FNBP1L: variants seen among roughly 807,000 people sequenced by gnomAD.
The protein encoded by FNBP1L is formin-binding protein 1-like.
Under a neutral mutation model 91.2 loss-of-function variants are expected in FNBP1L, and 36 were observed. The observed-to-expected ratio is 0.39, with a 90% CI of 0.30 to 0.52. The LOEUF is 0.52. Ranked by LOEUF, FNBP1L falls within the 20% of genes least tolerant of loss-of-function variation. The pLI, the probability that FNBP1L is intolerant of heterozygous loss-of-function variation, is 0.66. For missense variants in FNBP1L, 571 were observed against 732.1 expected, an observed-to-expected ratio of 0.78 and a Z score of 2.54; for synonymous variants, 242 against 237.0, an observed-to-expected ratio of 1.02 and a Z score of -0.19.
At chr1:93,513,537 C>T (rs368793690) in intron 2 of FNBP1L, among the ~76,000 whole-genome samples, 10 of 150,678 alleles carry the variant, frequency 6.6e-5, no homozygotes, top group South Asian at 4.2e-4. Flanking sequence ...ACTGGCAAAC[C>T]GAATCCAGCA....
intron 1 of FNBP1L, among the ~76,000 whole-genome samples, chr1:93,486,165 A>C (rs1009961400): frequency 1.3e-5 from 2 of 152,210 alleles, no homozygotes; most frequent in African/African-American, 4.8e-5. Flanking sequence ...TTTTTAGTAT[A>C]CTAAAAGCTC....
chr1:93,472,434 A>T (rs991849882), intron 1 of FNBP1L, among the ~76,000 whole-genome samples: 4 of 152,092 alleles, frequency 2.6e-5, no homozygotes, highest in African/African-American at 7.2e-5. Flanking sequence ...CAGAGCCCTT[A>T]TTCTTTACCA....
At chr1:93,497,535 ATTACT>A (rs1404154776) in intron 1 of FNBP1L, among the ~76,000 whole-genome samples, 2 of 152,210 alleles carry the variant, frequency 1.3e-5, no homozygotes, top group East Asian at 1.9e-4. Flanking sequence ...ATACCTTCAG[ATTACT>A]TTACCATTAA....
chr1:93,505,775 A>G (rs1670589824), intron 2 of FNBP1L, among the ~76,000 whole-genome samples: 1 of 152,150 alleles, frequency 6.6e-6, no homozygotes, highest in Admixed American at 6.5e-5. Context: ...TTTACTTTTT[A>G]CAAAATGATT....
intron 1 of FNBP1L, among the ~76,000 whole-genome samples, chr1:93,454,524 G>A (rs1188675498): frequency 2.6e-5 from 4 of 152,066 alleles, no homozygotes; most frequent in African/African-American, 9.7e-5. Context: ...TTATTTTAGC[G>A]CCGCTGCAAG....
At chr1:93,477,273 G>A (rs1003274973) in intron 1 of FNBP1L, among the ~76,000 whole-genome samples, 2 of 152,220 alleles carry the variant, frequency 1.3e-5, no homozygotes, top group Non-Finnish European at 2.9e-5. Context: ...CAAAGTGAGT[G>A]TATCCTGTGT....
chr1:93,477,139 G>A (rs1669524491), intron 1 of FNBP1L, among the ~76,000 whole-genome samples: 1 of 152,140 alleles, frequency 6.6e-6, no homozygotes. Context: ...ATAGATTAGA[G>A]GATAATTAGA....
At chr1:93,477,367 A>G (rs1669533691) in intron 1 of FNBP1L, among the ~76,000 whole-genome samples, 1 of 152,250 alleles carries the variant, frequency 6.6e-6, no homozygotes, top group African/African-American at 2.4e-5. Context: ...TTTATAAGCA[A>G]CAACTGCTGA....
intron 1 of FNBP1L, among the ~76,000 whole-genome samples, chr1:93,480,121 C>T (rs1669642634): frequency 6.6e-6 from 1 of 152,156 alleles, no homozygotes; most frequent in Non-Finnish European, 1.5e-5. Context: ...CAGCTGGTCC[C>T]TCTGTTAGGG....
chr1:93,541,183 T>C (rs938514978), intron 11 of FNBP1L, 127 bp downstream of exon 11: 5 of 867,030 alleles, frequency 5.8e-6, no homozygotes, highest in Non-Finnish European at 9.1e-6. Flanking sequence ...TTTCTTTTTA[T>C]AGTTTCATAG....
At chr1:93,552,010 A>C (rs1672430539) in intron 16 of FNBP1L, 1 of 1,000,982 alleles carries the variant, frequency 1.0e-6, no homozygotes, top group Non-Finnish European at 1.2e-6. Flanking sequence ...GACAAATTTT[A>C]ATTTTTAAAG....
chr1:93,515,109 T>C (rs12123339), intron 2 of FNBP1L, among the ~76,000 whole-genome samples: 72,166 of 152,070 alleles, frequency 0.47, 20,587 homozygotes, highest in Non-Finnish European at 0.61. Flanking sequence ...GTGAAGGACA[T>C]TAACAGACAC....
At chr1:93,501,526 C>T (rs562889843) in intron 2 of FNBP1L, among the ~76,000 whole-genome samples, 14 of 152,140 alleles carry the variant, frequency 9.2e-5, no homozygotes, top group East Asian at 3.9e-4. Flanking sequence ...AGAGTGAGAA[C>T]GCAACTCACT....
intron 1 of FNBP1L, among the ~76,000 whole-genome samples, chr1:93,468,669 A>G (rs906882181): frequency 1.3e-5 from 2 of 152,184 alleles, no homozygotes; most frequent in African/African-American, 4.8e-5. Context: ...GGGCTCAAGC[A>G]GTCTGCCTGC....
At chr1:93,476,705 AG>A (rs201231867) in intron 1 of FNBP1L, among the ~76,000 whole-genome samples, 2,015 of 152,134 alleles carry the variant, frequency 0.013, 30 homozygotes, top group Non-Finnish European at 0.02. Flanking sequence ...GAGTGGGCAG[AG>A]GGGGGGAGTT....
At chr1:93,547,474 C>G in intron 14 of FNBP1L, 33 bp downstream of exon 14, 2 of 1,512,496 alleles carry the variant, frequency 1.3e-6, no homozygotes, top group Non-Finnish European at 1.8e-6. Flanking sequence ...TATTTCTTCT[C>G]CCCAGAGTTT....
At chr1:93,511,487 G>A (rs1267953595) in intron 2 of FNBP1L, among the ~76,000 whole-genome samples, 1 of 152,196 alleles carries the variant, frequency 6.6e-6, no homozygotes, top group African/African-American at 2.4e-5. Flanking sequence ...ACCAGTACCA[G>A]CTGCTGCAAA....
At chr1:93,548,983 G>A (rs888234889) in intron 14 of FNBP1L, among the ~76,000 whole-genome samples, 3 of 152,082 alleles carry the variant, frequency 2.0e-5, no homozygotes. Context: ...GGTCTAGAAC[G>A]TTTTTCTGTT....
At chr1:93,450,977 TA>T (rs1668476073) in intron 1 of FNBP1L, among the ~76,000 whole-genome samples, 1 of 152,232 alleles carries the variant, frequency 6.6e-6, no homozygotes, top group Non-Finnish European at 1.5e-5. Flanking sequence ...GCGTAGTTGT[TA>T]GGGGATATGA....
Sources: gnomAD v4.1 joint callset for allele counts (sites outside exome capture counted in the v4.1 genomes callset) on GRCh38, gnomAD v4.1.1 for gene constraint, MANE v1.5 for transcripts, NCBI Gene and HGNC (gene_info 2026-07-23, HGNC 2026-07-21) for gene names.